The following PCDH15 variants were observed in gnomAD, a reference collection of about 807,000 sequenced individuals.
PCDH15 encodes protocadherin-15.
A neutral mutation model predicts 178.5 loss-of-function variants in PCDH15; 129 were observed. The ratio of observed to expected loss-of-function variants is 0.72; its 90% CI spans 0.63 to 0.84. The LOEUF (loss-of-function observed/expected upper bound fraction) is 0.84. Ranked by LOEUF, PCDH15 falls within the 40% of genes least tolerant of loss-of-function variation. The probability of loss-of-function intolerance (pLI) is 0.00; values close to 1 mark genes in which losing one functional copy is unlikely to be tolerated. For synonymous variants in PCDH15, 800 were observed against 732.0 expected (o/e 1.09, Z -1.50); for missense variants, 2,230 against 2,099.9 (o/e 1.06, Z -1.21).
intron 2 of PCDH15, among the ~76,000 whole-genome samples, chr10:55,393,720 C>A (rs544940092): frequency 4.6e-5 from 7 of 152,226 alleles, no homozygotes; most frequent in Admixed American, 4.6e-4. Context: ...ACTTACAACC[C>A]AGATCACAAC....
intron 2 of PCDH15, among the ~76,000 whole-genome samples, chr10:54,540,310 A>G (rs890237425): frequency 2.6e-5 from 4 of 152,084 alleles, no homozygotes; most frequent in African/African-American, 9.7e-5. Context: ...AGCACAACAT[A>G]AATGACAAAG....
chr10:54,144,269 G>A (rs1352986033), intron 14 of PCDH15, among the ~76,000 whole-genome samples: 1 of 152,052 alleles, frequency 6.6e-6, no homozygotes, highest in East Asian at 1.9e-4. Flanking sequence ...AAATAGAAAG[G>A]GGGGACTGAA....
intron 15 of PCDH15, among the ~76,000 whole-genome samples, chr10:54,103,883 C>T (rs1254196573): frequency 6.6e-6 from 1 of 152,034 alleles, no homozygotes; most frequent in Admixed American, 6.6e-5. Flanking sequence ...ATATCCATTC[C>T]CATGCCTGTT....
Position 54,618,771 on chromosome 10 carries a change from AG to A in PCDH15, c.91+45400del, listed in dbSNP as rs532145528. Among the ~76,000 whole-genome samples the A allele has an allele frequency of 1.5e-3, 231 of 152,236 alleles. 1 individual carries two copies. Among genetic ancestry groups the A allele is most frequent in the Admixed American group, 3.2e-3 (49 of 15,260 alleles). The stretch of plus-strand genomic sequence containing the variant: ...AATTATGTTGAAATATTATTACAAA[AG>A]TATGTGCCTTAACAAACTAATAAAT... On this transcript the variant is annotated intron_variant, in intron 2 of 37. Coordinates refer to ENST00000644397, the MANE Select transcript of PCDH15 (RefSeq NM_001384140.1).
chr10:54,166,308 A>G (rs941875121), intron 13 of PCDH15, among the ~76,000 whole-genome samples: 65 of 152,320 alleles, frequency 4.3e-4, no homozygotes, highest in African/African-American at 1.6e-3. Context: ...CACTGTGAAG[A>G]AGGATTATTT....
chr10:55,090,963 T>C (rs1842302838), intron 2 of PCDH15, among the ~76,000 whole-genome samples: 1 of 152,080 alleles, frequency 6.6e-6, no homozygotes, highest in East Asian at 1.9e-4. Context: ...ATTAGCATCC[T>C]GCAGAACTGT....
chr10:54,093,824 CT>C (rs980918882), intron 15 of PCDH15, among the ~76,000 whole-genome samples: 3 of 152,076 alleles, frequency 2.0e-5, no homozygotes, highest in Admixed American at 6.6e-5. Flanking sequence ...AAAGATGCAT[CT>C]TTTTTATCTA....
chr10:55,427,387 C>T (rs964186763), intron 2 of PCDH15, among the ~76,000 whole-genome samples: 17 of 152,104 alleles, frequency 1.1e-4, no homozygotes, highest in Admixed American at 6.5e-4. Flanking sequence ...ACTTAGTTTG[C>T]ATGATATATC....
chr10:55,148,339 C>T (rs1192337561), intron 2 of PCDH15, among the ~76,000 whole-genome samples: 1 of 151,784 alleles, frequency 6.6e-6, no homozygotes, highest in East Asian at 1.9e-4. Flanking sequence ...TAGTAAGTCA[C>T]AAAGTAACCA....
intron 2 of PCDH15, among the ~76,000 whole-genome samples, chr10:55,463,991 G>A (rs56857216): frequency 0.21 from 4,472 of 21,024 alleles, 1,277 homozygotes; most frequent in East Asian, 0.8. Context: ...AAGAAAGAAA[G>A]AGAAAGAAAG....
chr10:54,320,505 T>C (rs61853343), intron 7 of PCDH15, among the ~76,000 whole-genome samples: 31,133 of 151,966 alleles, frequency 0.2, 3,246 homozygotes, highest in Admixed American at 0.23. Flanking sequence ...ATTAACTTTA[T>C]AAATTATTCT....
chr10:54,916,002 T>C (rs1954895284), intron 2 of PCDH15, among the ~76,000 whole-genome samples: 1 of 152,108 alleles, frequency 6.6e-6, no homozygotes, highest in South Asian at 2.1e-4. Flanking sequence ...CTAATTTTTG[T>C]ATTTTTAGTA....
intron 2 of PCDH15, among the ~76,000 whole-genome samples, chr10:55,095,565 G>C (rs573010104): frequency 2.0e-5 from 3 of 152,068 alleles, no homozygotes; most frequent in African/African-American, 7.2e-5. Flanking sequence ...GCTGTTGCAA[G>C]TTTAGATATT....
intron 8 of PCDH15, among the ~76,000 whole-genome samples, chr10:54,286,802 T>A (rs2059056138): frequency 6.6e-6 from 1 of 152,078 alleles, no homozygotes; most frequent in Non-Finnish European, 1.5e-5. Flanking sequence ...ATTTTTGTAT[T>A]TTTTTAGTAG....
chr10:53,959,271 C>CTA (rs200801544), intron 23 of PCDH15, among the ~76,000 whole-genome samples: 4,295 of 146,712 alleles, frequency 0.029, 205 homozygotes, highest in African/African-American at 0.11. Flanking sequence ...TATATACACA[C>CTA]TATATATATA....
At chr10:54,710,240 T>C (rs10825381) in intron 1 of PCDH15, among the ~76,000 whole-genome samples, 18,504 of 151,946 alleles carry the variant, frequency 0.12, 1,256 homozygotes, top group African/African-American at 0.17. Context: ...CTTTACAAAA[T>C]TGGTAAATGA....
chr10:53,933,869 AC>A (rs1235937723), intron 25 of PCDH15, among the ~76,000 whole-genome samples: 2 of 152,148 alleles, frequency 1.3e-5, no homozygotes, highest in Non-Finnish European at 1.5e-5. Context: ...TGCCATTCTA[AC>A]TGGTGTGAGA....
At chr10:54,318,080 G>T (rs569341435) in intron 7 of PCDH15, among the ~76,000 whole-genome samples, 1 of 152,220 alleles carries the variant, frequency 6.6e-6, no homozygotes, top group South Asian at 2.1e-4. Flanking sequence ...CGCCTCTGAG[G>T]TGTTAATCTT....
intron 1 of PCDH15, among the ~76,000 whole-genome samples, chr10:54,762,662 A>C (rs1311070179): frequency 6.6e-6 from 1 of 152,086 alleles, no homozygotes; most frequent in Non-Finnish European, 1.5e-5. Flanking sequence ...TTTTAGAGTA[A>C]ACACTTATGA....
Sources: allele counts gnomAD v4.1 joint callset (sites outside exome capture counted in the v4.1 genomes callset), GRCh38; gene constraint gnomAD v4.1.1; transcripts MANE v1.5; gene names NCBI Gene and HGNC (gene_info 2026-07-23, HGNC 2026-07-21).